Variants in HS6ST1 observed in about 807,000 individuals in gnomAD.
The protein encoded by HS6ST1 is heparan-sulfate 6-O-sulfotransferase 1.
HS6ST1 carries 3 observed loss-of-function variants against 25.2 expected under a neutral mutation model. The observed-to-expected ratio is 0.12, with a 90% CI of 0.05 to 0.31. HS6ST1 has a LOEUF of 0.31. HS6ST1 is among the 10% of genes least tolerant of loss of function. The pLI is 1.00. For synonymous variants in HS6ST1, 204 were observed against 275.1 expected (o/e 0.74, Z 2.56); for missense variants, 310 against 609.6 (o/e 0.51, Z 5.18).
rs116961190 is a variant in HS6ST1 at position 128,301,991 on chromosome 2, C to T, written c.527+16046G>A. 9.2e-5 allele frequency among the ~76,000 whole-genome samples: 14 copies of T among 152,278 alleles called. No individual in the cohort carries two copies. In the East Asian group the frequency reaches 1.5e-3, roughly 17 times the overall value. ...CAGAGGACTGGGCTCTCCATGGTGC[C>T]GCCAGCTCCTCTCCCTGGATAAAGT... is the stretch of plus-strand genomic sequence containing the variant. On this transcript the variant is annotated intron_variant, in intron 1 of 1. Transcript: ENST00000259241.
chr2:128,269,203 A>G lies in HS6ST1; in HGVS notation c.528-333T>C, dbSNP rs11885153. Among the ~76,000 whole-genome samples, 29,847 of 152,168 alleles carry G rather than the reference A, an allele frequency of 0.2. 3,038 individuals carry two copies. The highest frequency in any genetic ancestry group is 0.25 in the African/African-American group (10,233 of 41,500). ...CGCAGAGCCACAGCCGCCTGAGGCC[A>G]GCAGTCTTCACCAGCTGTTTACAGC... On this transcript the variant is annotated intron_variant, in intron 1 of 1. Coordinates refer to ENST00000259241, the MANE Select transcript of HS6ST1 (RefSeq NM_004807.3).
chr2:128,273,540 T>C (rs563749191), intron 1 of HS6ST1, among the ~76,000 whole-genome samples: 9 of 152,318 alleles, frequency 5.9e-5, no homozygotes, highest in African/African-American at 2.2e-4. Context: ...TGGGACTCTT[T>C]AGGAGCCAGA....
chr2:128,297,920 G>T (rs1164346134), intron 1 of HS6ST1, among the ~76,000 whole-genome samples: 1 of 152,132 alleles, frequency 6.6e-6, no homozygotes, highest in Non-Finnish European at 1.5e-5. Context: ...CAGAATGGAA[G>T]AAAATATTTG....
intron 1 of HS6ST1, among the ~76,000 whole-genome samples, chr2:128,272,780 C>G (rs1416016043): frequency 6.6e-6 from 1 of 152,180 alleles, no homozygotes; most frequent in Non-Finnish European, 1.5e-5. Context: ...TCTGAAAAAG[C>G]TGGGAGGGTG....
At chr2:128,312,164 C>A (rs544098736) in intron 1 of HS6ST1, among the ~76,000 whole-genome samples, 2 of 152,218 alleles carry the variant, frequency 1.3e-5, no homozygotes, top group Non-Finnish European at 2.9e-5. Context: ...CGGCAATCGC[C>A]CCCACCTGCA....
At chr2:128,311,913 C>T (rs7587590) in intron 1 of HS6ST1, among the ~76,000 whole-genome samples, 3,270 of 152,326 alleles carry the variant, frequency 0.021, 128 homozygotes, top group African/African-American at 0.075. Flanking sequence ...GGCCACACTG[C>T]GCCAGGAGCC....
chr2:128,282,805 G>A (rs576786820), intron 1 of HS6ST1, among the ~76,000 whole-genome samples: 1 of 152,358 alleles, frequency 6.6e-6, no homozygotes, highest in Non-Finnish European at 1.5e-5. Context: ...GAGGAGCAGA[G>A]GGCCCAGCCT....
chr2:128,270,690 A>G (rs1693597173), intron 1 of HS6ST1, among the ~76,000 whole-genome samples: 1 of 152,210 alleles, frequency 6.6e-6, no homozygotes, highest in African/African-American at 2.4e-5. Flanking sequence ...GGGGAGGCAT[A>G]GGGCCGCATG....
chr2:128,288,326 A>G (rs1693897437), intron 1 of HS6ST1, among the ~76,000 whole-genome samples: 1 of 152,058 alleles, frequency 6.6e-6, no homozygotes, highest in Non-Finnish European at 1.5e-5. Flanking sequence ...CGGGGTGTGC[A>G]GTATTTGTAC....
At chr2:128,299,958 C>T (rs899848112) in intron 1 of HS6ST1, among the ~76,000 whole-genome samples, 14 of 152,164 alleles carry the variant, frequency 9.2e-5, no homozygotes, top group African/African-American at 3.4e-4. Context: ...GCTACCCCAC[C>T]TCCAGGCCGG....
chr2:128,278,154 G>A (rs1693723874), intron 1 of HS6ST1, among the ~76,000 whole-genome samples: 1 of 152,268 alleles, frequency 6.6e-6, no homozygotes, highest in African/African-American at 2.4e-5. Flanking sequence ...GGGCAGGCAG[G>A]CACGAGCTGA....
At chr2:128,294,633 A>C (rs1442692283) in intron 1 of HS6ST1, among the ~76,000 whole-genome samples, 3 of 151,262 alleles carry the variant, frequency 2.0e-5, no homozygotes, top group Non-Finnish European at 2.9e-5. Flanking sequence ...AAGGTGGGCT[A>C]CTGGGCAGTA....
At chr2:128,294,013 C>T (rs894433576) in intron 1 of HS6ST1, among the ~76,000 whole-genome samples, 8 of 152,302 alleles carry the variant, frequency 5.3e-5, no homozygotes, top group African/African-American at 1.9e-4. Context: ...ATGTGGGTCC[C>T]GAAGCCAGTA....
At position 128,267,554 on chromosome 2, in the gene HS6ST1, G is replaced by C. The variant is rs1389781936; in HGVS notation, c.*608C>G. On this transcript the variant is annotated 3_prime_UTR_variant, in exon 2 of 2. Coordinates refer to ENST00000259241, the MANE Select transcript of HS6ST1 (RefSeq NM_004807.3). ...GGACCATGGGCCAGAGAGGGGAGCA[G>C]GCTTCCTGGGGGCTGGACTCGAGTC... The C allele has an allele frequency of 1.3e-5, 2 of 156,240 alleles. No individual in the cohort carries two copies. The highest frequency in any genetic ancestry group is 4.8e-5 in the African/African-American group (2 of 41,500). The allele number at this position is 156,240 out of a possible 1,614,324, so 9.7% of individuals were successfully genotyped here.
At chr2:128,277,632 CGAG>C (rs1462240911) in intron 1 of HS6ST1, among the ~76,000 whole-genome samples, 1 of 152,200 alleles carries the variant, frequency 6.6e-6, no homozygotes, top group African/African-American at 2.4e-5. Context: ...GCAGCTTCTC[CGAG>C]GAGGGTGAGG....
At chr2:128,284,653 A>C (rs1255713087) in intron 1 of HS6ST1, among the ~76,000 whole-genome samples, 1 of 151,896 alleles carries the variant, frequency 6.6e-6, no homozygotes, top group African/African-American at 2.4e-5. Flanking sequence ...ATACCCAGCT[A>C]ATTTTTGTAT....
chr2:128,280,198 G>A (rs1260752370), intron 1 of HS6ST1, among the ~76,000 whole-genome samples: 1 of 152,246 alleles, frequency 6.6e-6, no homozygotes, highest in Admixed American at 6.5e-5. Context: ...TAGAAAAAGT[G>A]GAAGTCTGAT....
chr2:128,283,817 T>C (rs1050015166), intron 1 of HS6ST1, among the ~76,000 whole-genome samples: 2 of 152,208 alleles, frequency 1.3e-5, no homozygotes, highest in Non-Finnish European at 2.9e-5. Context: ...GGGGGCTTCC[T>C]GAGTTCTAGA....
chr2:128,285,643 C>T (rs553142201), intron 1 of HS6ST1, among the ~76,000 whole-genome samples: 9 of 152,306 alleles, frequency 5.9e-5, no homozygotes, highest in African/African-American at 1.2e-4. Context: ...AGGAAAGGCC[C>T]GTCTGTGGCA....
Sources: gnomAD v4.1 joint callset for allele counts (sites outside exome capture counted in the v4.1 genomes callset) on GRCh38, gnomAD v4.1.1 for gene constraint, MANE v1.5 for transcripts, NCBI Gene and HGNC (gene_info 2026-07-23, HGNC 2026-07-21) for gene names.